The following PREX1 variants were observed in gnomAD, a reference collection of about 807,000 sequenced individuals.
PREX1 encodes phosphatidylinositol 3,4,5-trisphosphate-dependent Rac exchanger 1 protein.
Under a neutral mutation model 198.3 loss-of-function variants are expected in PREX1, and 41 were observed. The observed-to-expected ratio is 0.21, with a 90% CI of 0.16 to 0.27. PREX1 has a LOEUF of 0.27. Among genes scored for constraint, PREX1 ranks in the 10% least tolerant of loss-of-function variants. PREX1 has a pLI of 1.00. For missense variants in PREX1, 1,620 were observed against 2,200.7 expected (o/e 0.74, Z 5.28); for synonymous variants, 843 against 887.2 (o/e 0.95, Z 0.89).
the PREX1 span, among the ~76,000 whole-genome samples, chr20:48,844,506 A>G: frequency 1.3e-5 from 2 of 152,202 alleles, no homozygotes; most frequent in Non-Finnish European, 2.9e-5. Context: ...CATGTGACTC[A>G]TTTCTAACCA....
intron 31 of PREX1, 87 bp downstream of exon 31, chr20:48,637,624 C>G (rs1430137299): frequency 5.2e-6 from 7 of 1,336,424 alleles, no homozygotes; most frequent in Admixed American, 2.7e-5. Flanking sequence ...TGCCTCCCCC[C>G]GTCCAGGCCC....
chr20:48,740,784 T>C (rs1256493878), intron 3 of PREX1, among the ~76,000 whole-genome samples: 1 of 152,224 alleles, frequency 6.6e-6, no homozygotes, highest in Non-Finnish European at 1.5e-5. Context: ...CCTTTTTCAA[T>C]AGGTCCAGTT....
At chr20:48,682,821 T>G (rs562204444) in intron 10 of PREX1, among the ~76,000 whole-genome samples, 1 of 152,298 alleles carries the variant, frequency 6.6e-6, no homozygotes, top group African/African-American at 2.4e-5. Context: ...GCAATCTGTG[T>G]TCAATGAAAG....
chr20:48,625,858 G>A lies in PREX1; in HGVS notation c.*27C>T, dbSNP rs759619808. 63 of 1,549,480 alleles carry A rather than the reference G, an allele frequency of 4.1e-5. No individual in the cohort carries two copies. Among genetic ancestry groups the A allele is most frequent in the African/African-American group, 5.6e-5 (4 of 71,442 alleles). ...CTCCCAAATCCCAGCTCCAGAGGCC[G>A]CGGCCCAGCGTGGGGCATTTGGGTG... On this transcript the variant is annotated 3_prime_UTR_variant, in exon 40 of 40. Coordinates refer to ENST00000371941, the MANE Select transcript of PREX1 (RefSeq NM_020820.4).
chr20:48,664,416 T>A (rs1187475303), intron 15 of PREX1, among the ~76,000 whole-genome samples: 1 of 145,518 alleles, frequency 6.9e-6, no homozygotes, highest in Non-Finnish European at 1.5e-5. Context: ...AGGAGCAGAG[T>A]GATGACGGGG....
chr20:48,632,193 T>A lies in PREX1; in HGVS notation c.4526+84A>T, dbSNP rs2089319837. 6 of 1,308,078 alleles carry A rather than the reference T, an allele frequency of 4.6e-6. No individual in the cohort carries two copies. In the South Asian group the frequency reaches 7.2e-5, roughly 16 times the overall value. The allele number at this position is 1,308,078 out of a possible 1,614,324, so 81.0% of individuals were successfully genotyped here. On this transcript the variant is annotated intron_variant, in intron 35 of 39. Coordinates refer to ENST00000371941, the MANE Select transcript of PREX1 (RefSeq NM_020820.4). ...TGCGGCCCACTGCCCATGCTGGGGG[T>A]CCGCCTGGCACCTTCCATGCTAATG...
chr20:48,811,620 ACACCCCCC>A (rs1192820864), intron 1 of PREX1, among the ~76,000 whole-genome samples: 1 of 98,252 alleles, frequency 1.0e-5, no homozygotes. Context: ...ACCTGGATAC[ACACCCCCC>A]CACACACACA....
chr20:48,788,942 AC>A (rs538690024), intron 1 of PREX1, among the ~76,000 whole-genome samples: 49 of 152,068 alleles, frequency 3.2e-4, no homozygotes, highest in Non-Finnish European at 6.5e-4. Context: ...TCTCTTTAGA[AC>A]CCCCAAGAAC....
chr20:48,786,917 G>C (rs1459954487), intron 1 of PREX1, among the ~76,000 whole-genome samples: 3 of 151,690 alleles, frequency 2.0e-5, no homozygotes, highest in African/African-American at 7.3e-5. Flanking sequence ...AGGGAAAGAG[G>C]AGGAGGCGTG....
the PREX1 span, among the ~76,000 whole-genome samples, chr20:48,845,205 C>T: frequency 6.6e-6 from 1 of 152,146 alleles, no homozygotes; most frequent in Non-Finnish European, 1.5e-5. Context: ...TTCCATCCCT[C>T]GTGAAGCTTA....
At chr20:48,696,977 T>TACATACACACACACACACAC (rs111517056) in intron 7 of PREX1, among the ~76,000 whole-genome samples, 2 of 148,594 alleles carry the variant, frequency 1.3e-5, no homozygotes, top group African/African-American at 5.0e-5. Context: ...TAAATCTCTT[T>TACATACACACACACACACAC]ACACACACAC....
chr20:48,738,345 G>A (rs764640191), intron 3 of PREX1, among the ~76,000 whole-genome samples: 2 of 152,198 alleles, frequency 1.3e-5, no homozygotes, highest in Non-Finnish European at 2.9e-5. Context: ...CTACGACAAG[G>A]TCTGCAATGT....
chr20:48,758,070 T>C (rs112096622), intron 1 of PREX1, among the ~76,000 whole-genome samples: 5,205 of 152,078 alleles, frequency 0.034, 148 homozygotes, highest in African/African-American at 0.078. Context: ...ACAAGTAGTT[T>C]CTTTGGGAGG....
chr20:48,853,380 C>A, the PREX1 span, among the ~76,000 whole-genome samples: 1 of 152,192 alleles, frequency 6.6e-6, no homozygotes, highest in South Asian at 2.1e-4. Flanking sequence ...AACTTACAAT[C>A]ATGGCTGAAG....
intron 33 of PREX1, among the ~76,000 whole-genome samples, chr20:48,633,477 G>T (rs918592802): frequency 6.6e-6 from 1 of 152,158 alleles, no homozygotes; most frequent in Non-Finnish European, 1.5e-5. Context: ...AAAATCTAAT[G>T]AAATGAAAAA....
At chr20:48,728,385 G>A (rs191546305) in intron 4 of PREX1, among the ~76,000 whole-genome samples, 5 of 152,364 alleles carry the variant, frequency 3.3e-5, no homozygotes, top group Admixed American at 6.5e-5. Context: ...TGGGGAAATC[G>A]TGGCACGAAG....
intron 5 of PREX1, among the ~76,000 whole-genome samples, chr20:48,720,539 T>C (rs2089980544): frequency 6.6e-6 from 1 of 151,960 alleles, no homozygotes. Flanking sequence ...GGAAAGGGAT[T>C]TGCTAAGAGA....
chr20:48,809,401 G>A (rs1441024660), intron 1 of PREX1, among the ~76,000 whole-genome samples: 1 of 152,174 alleles, frequency 6.6e-6, no homozygotes, highest in African/African-American at 2.4e-5. Context: ...GCACCCTGGG[G>A]GCTTCCTTCT....
At chr20:48,844,610 T>C in the PREX1 span, among the ~76,000 whole-genome samples, 1 of 152,216 alleles carries the variant, frequency 6.6e-6, no homozygotes, top group Non-Finnish European at 1.5e-5. Context: ...TGTTCTGCTC[T>C]TGTGGCTTGT....
Sources: gnomAD v4.1 joint callset for allele counts (sites outside exome capture counted in the v4.1 genomes callset) on GRCh38, gnomAD v4.1.1 for gene constraint, MANE v1.5 for transcripts, NCBI Gene and HGNC (gene_info 2026-07-23, HGNC 2026-07-21) for gene names.